The following CLSTN2 variants were observed in gnomAD, a reference collection of about 807,000 sequenced individuals.
The protein encoded by CLSTN2 is calsyntenin 2.
CLSTN2 carries 48 observed loss-of-function variants against 101.2 expected under a neutral mutation model. The observed-to-expected ratio is 0.47, with a 90% CI of 0.38 to 0.60. The LOEUF (loss-of-function observed/expected upper bound fraction) is 0.60, where lower values mean the gene tolerates loss of function less well. Among genes scored for constraint, CLSTN2 ranks in the 20% least tolerant of loss-of-function variants. CLSTN2 has a pLI of 0.00. For missense variants in CLSTN2, 1,160 were observed against 1,238.2 expected, an observed-to-expected ratio of 0.94 and a Z score of 0.95; for synonymous variants, 481 against 463.6, an observed-to-expected ratio of 1.04 and a Z score of -0.48.
intron 2 of CLSTN2, among the ~76,000 whole-genome samples, chr3:140,396,404 T>C (rs1311967835): frequency 6.6e-6 from 1 of 152,184 alleles, no homozygotes; most frequent in East Asian, 1.9e-4. Context: ...CTTCAGCCTT[T>C]TCAGTTCTTA....
chr3:140,494,782 A>G (rs764864151), intron 8 of CLSTN2, among the ~76,000 whole-genome samples: 3 of 152,190 alleles, frequency 2.0e-5, no homozygotes, highest in African/African-American at 4.8e-5. Context: ...ATCCCTGCAA[A>G]GGACATGCTC....
At chr3:140,504,018 T>C (rs1372238845) in intron 8 of CLSTN2, among the ~76,000 whole-genome samples, 1 of 152,114 alleles carries the variant, frequency 6.6e-6, no homozygotes, top group Non-Finnish European at 1.5e-5. Flanking sequence ...CAAAATCCCT[T>C]AGAATCTCAG....
At chr3:139,988,059 G>A (rs1936057243) in intron 1 of CLSTN2, among the ~76,000 whole-genome samples, 1 of 152,154 alleles carries the variant, frequency 6.6e-6, no homozygotes, top group African/African-American at 2.4e-5. Context: ...TTTTAGCATT[G>A]TAAAACCTGC....
chr3:140,357,261 G>T (rs889332814), intron 2 of CLSTN2, among the ~76,000 whole-genome samples: 1 of 152,054 alleles, frequency 6.6e-6, no homozygotes, highest in Non-Finnish European at 1.5e-5. Context: ...TATAGCCCAC[G>T]AATCTTCTAA....
At chr3:140,495,852 T>A (rs1576598065) in intron 8 of CLSTN2, among the ~76,000 whole-genome samples, 1 of 152,346 alleles carries the variant, frequency 6.6e-6, no homozygotes, top group African/African-American at 2.4e-5. Context: ...TACCATGCTG[T>A]TTTGGTTACT....
intron 1 of CLSTN2, among the ~76,000 whole-genome samples, chr3:140,059,758 C>T (rs116687570): frequency 4.2e-4 from 64 of 152,278 alleles, no homozygotes; most frequent in African/African-American, 1.4e-3. Context: ...TCCATTCAGG[C>T]TGAACCTGCA....
At chr3:140,466,052 A>G (rs927134397) in intron 7 of CLSTN2, among the ~76,000 whole-genome samples, 1 of 152,180 alleles carries the variant, frequency 6.6e-6, no homozygotes, top group African/African-American at 2.4e-5. Context: ...TCACAAAACT[A>G]TCTCTAATGC....
intron 1 of CLSTN2, among the ~76,000 whole-genome samples, chr3:139,954,277 G>T (rs552238222): frequency 1.3e-5 from 2 of 152,264 alleles, no homozygotes; most frequent in South Asian, 4.1e-4. Flanking sequence ...AGACTTGCTG[G>T]CCAGCTGTGA....
chr3:140,167,264 C>T (rs1005645774), intron 1 of CLSTN2, among the ~76,000 whole-genome samples: 1 of 152,184 alleles, frequency 6.6e-6, no homozygotes, highest in Non-Finnish European at 1.5e-5. Flanking sequence ...TACATTTCCC[C>T]CAAGATATAT....
chr3:140,519,929 T>C (rs1275124753), intron 8 of CLSTN2, among the ~76,000 whole-genome samples: 1 of 152,252 alleles, frequency 6.6e-6, no homozygotes, highest in Non-Finnish European at 1.5e-5. Flanking sequence ...TCAGTGTTTT[T>C]TGTAGTGGCT....
At chr3:140,336,644 A>C (rs1406060355) in intron 2 of CLSTN2, among the ~76,000 whole-genome samples, 1 of 152,150 alleles carries the variant, frequency 6.6e-6, no homozygotes. Flanking sequence ...GCACACAGAC[A>C]CCCCAGCTTT....
At chr3:140,242,974 G>A (rs2086483735) in intron 2 of CLSTN2, among the ~76,000 whole-genome samples, 1 of 152,202 alleles carries the variant, frequency 6.6e-6, no homozygotes, top group African/African-American at 2.4e-5. Flanking sequence ...AACACCTGCT[G>A]CTGTTCCTTG....
intron 2 of CLSTN2, among the ~76,000 whole-genome samples, chr3:140,338,230 C>T (rs1411671995): frequency 6.6e-6 from 1 of 152,144 alleles, no homozygotes; most frequent in Non-Finnish European, 1.5e-5. Context: ...GCTCCCCTCT[C>T]CTTTAAGAAA....
At chr3:140,474,729 C>T (rs1214836592) in intron 8 of CLSTN2, among the ~76,000 whole-genome samples, 1 of 152,212 alleles carries the variant, frequency 6.6e-6, no homozygotes, top group Non-Finnish European at 1.5e-5. Context: ...ATCTGCTCTG[C>T]AGTGCACACC....
chr3:140,269,333 G>T (rs922609229), intron 2 of CLSTN2, among the ~76,000 whole-genome samples: 2 of 152,178 alleles, frequency 1.3e-5, no homozygotes, highest in Non-Finnish European at 2.9e-5. Flanking sequence ...AATGAACCGA[G>T]CTGAACATTT....
At chr3:140,485,957 C>G (rs979584166) in intron 8 of CLSTN2, among the ~76,000 whole-genome samples, 99 of 147,138 alleles carry the variant, frequency 6.7e-4, no homozygotes, top group African/African-American at 2.4e-3. Context: ...GTGCGCTGCA[C>G]CCACTGTCCG....
intron 9 of CLSTN2, among the ~76,000 whole-genome samples, chr3:140,542,518 C>T (rs144186856): frequency 6.6e-6 from 1 of 152,274 alleles, no homozygotes; most frequent in Non-Finnish European, 1.5e-5. Flanking sequence ...CCCATGCAGA[C>T]ACCCTAGATA....
intron 2 of CLSTN2, among the ~76,000 whole-genome samples, chr3:140,402,494 C>G (rs2088253406): frequency 6.6e-6 from 1 of 152,162 alleles, no homozygotes. Context: ...GGGTACAAAG[C>G]TTGGTGCCTG....
At chr3:140,500,528 G>T (rs1196077414) in intron 8 of CLSTN2, among the ~76,000 whole-genome samples, 2 of 152,108 alleles carry the variant, frequency 1.3e-5, no homozygotes, top group African/African-American at 4.8e-5. Context: ...GAGGAGTGTT[G>T]GACCTGTCTA....
Sources: gnomAD v4.1 joint callset for allele counts (sites outside exome capture counted in the v4.1 genomes callset) on GRCh38, gnomAD v4.1.1 for gene constraint, MANE v1.5 for transcripts, NCBI Gene and HGNC (gene_info 2026-07-23, HGNC 2026-07-21) for gene names.